FBXO34: variants seen among roughly 807,000 people sequenced by gnomAD.
FBXO34 encodes the protein F-box only protein 34.
Under a neutral mutation model 24.5 loss-of-function variants are expected in FBXO34, and 12 were observed. The ratio of observed to expected loss-of-function variants is 0.49; its 90% CI spans 0.31 to 0.79. The LOEUF (loss-of-function observed/expected upper bound fraction) is 0.79, where lower values mean the gene tolerates loss of function less well. Among genes scored for constraint, FBXO34 ranks in the 30% least tolerant of loss-of-function variants. FBXO34 has a pLI of 0.04. For missense variants in FBXO34, 823 were observed against 857.7 expected (o/e 0.96, Z 0.51); for synonymous variants, 320 against 311.9 (o/e 1.03, Z -0.27).
At chr14:55,409,332 T>TAA in the FBXO34 span, among the ~76,000 whole-genome samples, 2 of 152,174 alleles carry the variant, frequency 1.3e-5, no homozygotes, top group African/African-American at 2.4e-5. Context: ...CCATAAATCT[T>TAA]TATTGAGTTT....
chr14:55,351,196 T>C lies in FBXO34; in HGVS notation c.806T>C (p.Val269Ala), dbSNP rs746134147. ...CCCACAGAAAGGGGAAATCTTGAGG[T>C]TGGTGAACCACAGAGCGAACCAGTC... ...EEPTERGNLE[V>A]GEPQSEPVRV... Residue 269 changes from valine to alanine, a missense_variant, in exon 2 of 2, where the codon GTT becomes GCT. Transcript: ENST00000313833. 4 of 1,614,060 alleles carry C rather than the reference T, an allele frequency of 2.5e-6. No individual in the cohort carries two copies. The highest frequency in any genetic ancestry group is 2.5e-6 in the Non-Finnish European group (3 of 1,180,046).
At chr14:55,384,778 C>A in the FBXO34 span, among the ~76,000 whole-genome samples, 1 of 152,218 alleles carries the variant, frequency 6.6e-6, no homozygotes, top group African/African-American at 2.4e-5. Context: ...CCAGAAGAGA[C>A]AGGAAAATCC....
At chr14:55,339,783 G>A (rs1883928735) in intron 1 of FBXO34, among the ~76,000 whole-genome samples, 1 of 152,126 alleles carries the variant, frequency 6.6e-6, no homozygotes, top group Non-Finnish European at 1.5e-5. Flanking sequence ...CATAAATCTC[G>A]TTTCTTTACA....
chr14:55,350,437 C>A lies in FBXO34; in HGVS notation c.47C>A (p.Pro16Gln). 3 of 1,606,944 alleles carry A rather than the reference C, an allele frequency of 1.9e-6. No individual in the cohort carries two copies. The highest frequency in any genetic ancestry group is 2.5e-6 in the Non-Finnish European group (3 of 1,177,354). The change falls in exon 2 of 2, where the codon CCG becomes CAG. Residue 16 changes from proline (P) to glutamine (Q), a missense_variant. Physicochemically the swap from Pro to Gln is moderately conservative, Grantham distance 76. Coordinates refer to ENST00000313833, the MANE Select transcript of FBXO34 (RefSeq NM_017943.4). The part of the protein sequence containing the change: ...YWKLQKKEHP[P>Q]EVSRETQRTP... The stretch of plus-strand genomic sequence containing the variant: ...AAGCTCCAGAAGAAAGAGCACCCCC[C>A]GGAAGTCAGCAGGGAAACGCAGAGA...
chr14:55,271,967 T>TTCCCTGCCCC (rs1311174527), intron 1 of FBXO34: 2 of 152,230 alleles, frequency 1.3e-5, no homozygotes, highest in Non-Finnish European at 2.9e-5. Flanking sequence ...CACTCTGCCC[T>TTCCCTGCCCC]TCCCTGCCCC....
the FBXO34 span, among the ~76,000 whole-genome samples, chr14:55,380,877 T>TATATATATA: frequency 1.6e-4 from 7 of 43,678 alleles, no homozygotes; most frequent in African/African-American, 1.2e-3. Flanking sequence ...ATATATATAT[T>TATATATATA]TTTTTTTTTT....
intron 1 of FBXO34, among the ~76,000 whole-genome samples, chr14:55,344,613 G>A (rs1275851501): frequency 1.3e-5 from 2 of 150,852 alleles, no homozygotes; most frequent in African/African-American, 4.9e-5. Context: ...TGTTACACAG[G>A]TATACACGTG....
chr14:55,325,663 T>C (rs1442472453), intron 1 of FBXO34, among the ~76,000 whole-genome samples: 1 of 152,098 alleles, frequency 6.6e-6, no homozygotes, highest in Non-Finnish European at 1.5e-5. Flanking sequence ...TTAGTAGAGA[T>C]GGGGTTTCTC....
chr14:55,341,928 C>T (rs1884006813), intron 1 of FBXO34, among the ~76,000 whole-genome samples: 1 of 152,172 alleles, frequency 6.6e-6, no homozygotes, highest in Non-Finnish European at 1.5e-5. Context: ...GTTCTTTCCT[C>T]CAGGCCCTTC....
intron 1 of FBXO34, among the ~76,000 whole-genome samples, chr14:55,328,740 G>C (rs138085574): frequency 5.6e-4 from 86 of 152,328 alleles, no homozygotes; most frequent in African/African-American, 2.0e-3. Context: ...GTTTAGAGCT[G>C]TGAGATCCAG....
At chr14:55,330,079 A>G (rs1883481260) in intron 1 of FBXO34, among the ~76,000 whole-genome samples, 1 of 152,202 alleles carries the variant, frequency 6.6e-6, no homozygotes, top group Non-Finnish European at 1.5e-5. Context: ...TCAGATAGCC[A>G]TGATGTCACT....
chr14:55,346,658 A>C (rs1410050886), intron 1 of FBXO34, among the ~76,000 whole-genome samples: 1 of 152,144 alleles, frequency 6.6e-6, no homozygotes, highest in Non-Finnish European at 1.5e-5. Flanking sequence ...GGGGCTGGGG[A>C]AGAAGAGAGC....
At position 55,272,889 on chromosome 14, in the gene FBXO34, T is replaced by C. The variant is rs371810130; in HGVS notation, c.-11+1352T>C. Among the ~76,000 whole-genome samples, 111 of 152,344 alleles carry C rather than the reference T, an allele frequency of 7.3e-4. No individual in the cohort carries two copies. In the Middle Eastern group the frequency reaches 0.041, roughly 56 times the overall value. On this transcript the variant is annotated intron_variant, in intron 1 of 1. Transcript: ENST00000313833. ...AAATTTTGTCTGTAGTGCTTTTAAA[T>C]ATGAAATTAGAGAATAAAAAAATGA...
intron 1 of FBXO34, among the ~76,000 whole-genome samples, chr14:55,299,467 C>G (rs1236084113): frequency 1.4e-5 from 2 of 144,560 alleles, no homozygotes; most frequent in Non-Finnish European, 3.0e-5. Flanking sequence ...TGTTGAATTT[C>G]TGTAAAATAA....
At chr14:55,298,077 G>T (rs554640518) in intron 1 of FBXO34, among the ~76,000 whole-genome samples, 2 of 152,154 alleles carry the variant, frequency 1.3e-5, no homozygotes, top group African/African-American at 4.8e-5. Context: ...CCCTCACCAC[G>T]CCCTCTGCTG....
intron 1 of FBXO34, among the ~76,000 whole-genome samples, chr14:55,290,684 G>T (rs997652202): frequency 6.6e-6 from 1 of 152,198 alleles, no homozygotes; most frequent in African/African-American, 2.4e-5. Context: ...TCACTTCATA[G>T]CAGTTTGAAT....
chr14:55,341,674 A>G (rs753757704), intron 1 of FBXO34, among the ~76,000 whole-genome samples: 60 of 152,134 alleles, frequency 3.9e-4, no homozygotes, highest in African/African-American at 1.3e-3. Flanking sequence ...TTAACTTTTT[A>G]TGAGGTTTCA....
chr14:55,281,227 C>T (rs1275569496), intron 1 of FBXO34, among the ~76,000 whole-genome samples: 1 of 136,420 alleles, frequency 7.3e-6, no homozygotes, highest in Non-Finnish European at 1.5e-5. Flanking sequence ...GGACTCCAGC[C>T]TGGATGACAG....
intron 1 of FBXO34, among the ~76,000 whole-genome samples, chr14:55,278,455 A>G (rs1022799472): frequency 2.0e-5 from 3 of 152,120 alleles, no homozygotes; most frequent in Non-Finnish European, 4.4e-5. Flanking sequence ...AAAAAGTCCA[A>G]AGTTGAGGCT....
Sources: allele counts gnomAD v4.1 joint callset (sites outside exome capture counted in the v4.1 genomes callset), GRCh38; gene constraint gnomAD v4.1.1; transcripts MANE v1.5; gene names NCBI Gene and HGNC (gene_info 2026-07-23, HGNC 2026-07-21).